DLGAP2: variants seen among roughly 807,000 people sequenced by gnomAD.
DLGAP2 encodes the protein DLG associated protein 2, also known as disks large-associated protein 2.
A neutral mutation model predicts 100.3 loss-of-function variants in DLGAP2; 26 were observed. The ratio of observed to expected loss-of-function variants is 0.26; its 90% CI spans 0.19 to 0.36. The LOEUF (loss-of-function observed/expected upper bound fraction) is 0.36, where lower values mean the gene tolerates loss of function less well. DLGAP2 is among the 10% of genes least tolerant of loss of function. The pLI is 1.00. For missense variants in DLGAP2, 1,858 were observed against 1,453.2 expected, an observed-to-expected ratio of 1.28 and a Z score of -4.53; for synonymous variants, 886 against 630.1, an observed-to-expected ratio of 1.41 and a Z score of -6.08.
chr8:1,349,167 C>T (rs7831085), intron 3 of DLGAP2, among the ~76,000 whole-genome samples: 55,086 of 149,382 alleles, frequency 0.37, 10,611 homozygotes, highest in East Asian at 0.49. Context: ...TAAACAGACA[C>T]AGCTTTACAA....
intron 9 of DLGAP2, among the ~76,000 whole-genome samples, chr8:1,668,989 C>T (rs1798619927): frequency 6.6e-6 from 1 of 152,198 alleles, no homozygotes; most frequent in African/African-American, 2.4e-5. Context: ...CAAAGGCTGC[C>T]TAGAGAGTAT....
chr8:902,992 G>A (rs1322296391), intron 1 of DLGAP2, among the ~76,000 whole-genome samples: 1 of 98,442 alleles, frequency 1.0e-5, no homozygotes, highest in East Asian at 3.9e-4. Flanking sequence ...GGGCGGGGGG[G>A]CGGAAAGTGT....
chr8:796,976 T>A (rs1235361874), intron 1 of DLGAP2, among the ~76,000 whole-genome samples: 1 of 152,240 alleles, frequency 6.6e-6, no homozygotes, highest in African/African-American at 2.4e-5. Flanking sequence ...TTCCCCAACT[T>A]GCAAACTTTT....
chr8:754,769 G>T (rs890955681), intron 1 of DLGAP2, among the ~76,000 whole-genome samples: 13 of 152,196 alleles, frequency 8.5e-5, no homozygotes, highest in Non-Finnish European at 1.5e-4. Context: ...TTGAGTCCAG[G>T]AGTCTGAGGC....
chr8:1,700,865 C>A (rs1478995295), intron 14 of DLGAP2, among the ~76,000 whole-genome samples: 1 of 152,240 alleles, frequency 6.6e-6, no homozygotes, highest in Non-Finnish European at 1.5e-5. Flanking sequence ...AGGAATCGGG[C>A]GACAATGTCA....
At chr8:1,017,609 ACGG>A (rs888346638) in intron 2 of DLGAP2, among the ~76,000 whole-genome samples, 10 of 141,928 alleles carry the variant, frequency 7.0e-5, no homozygotes, top group African/African-American at 2.3e-4. Context: ...ACCAGGACAG[ACGG>A]CGCCTCCACT....
intron 3 of DLGAP2, among the ~76,000 whole-genome samples, chr8:1,434,125 C>T (rs1436071951): frequency 6.6e-6 from 1 of 152,032 alleles, no homozygotes. Flanking sequence ...GAGACGTGGC[C>T]GCAGGGCTGA....
chr8:738,092 G>A (rs1028266154), intron 1 of DLGAP2: 3 of 263,024 alleles, frequency 1.1e-5, no homozygotes, highest in African/African-American at 6.8e-5. Flanking sequence ...GGGCTCCGGG[G>A]GTGCGGGAGC....
intron 2 of DLGAP2, among the ~76,000 whole-genome samples, chr8:1,089,076 C>A (rs1366847188): frequency 6.9e-6 from 1 of 144,218 alleles, no homozygotes; most frequent in Admixed American, 6.9e-5. Context: ...TCTCTCCACC[C>A]CTCGTCCAGC....
intron 2 of DLGAP2, among the ~76,000 whole-genome samples, chr8:1,185,414 G>C (rs75774322): frequency 2.0e-5 from 3 of 151,992 alleles, no homozygotes; most frequent in African/African-American, 7.3e-5. Flanking sequence ...CCCTAAGGCC[G>C]GTCAGCTTTG....
intron 1 of DLGAP2, among the ~76,000 whole-genome samples, chr8:810,094 A>AACT (rs1028149441): frequency 1.3e-5 from 2 of 152,122 alleles, no homozygotes; most frequent in African/African-American, 4.8e-5. Flanking sequence ...ATCCCTTTCT[A>AACT]ACTACTGTTC....
At position 1,061,420 on chromosome 8, in the gene DLGAP2, G is replaced by A. The variant is rs114689816; in HGVS notation, c.73+153454G>A. On this transcript the variant is annotated intron_variant, in intron 2 of 14. Coordinates refer to ENST00000637795, the MANE Select transcript of DLGAP2 (RefSeq NM_001346810.2). Reference sequence around the variant, plus strand: ...AGCTCATCGGCTCATCCACGTGTTCGTTGAGGGAAAACCACGCTGCCAGTT... The same window carrying A: ...AGCTCATCGGCTCATCCACGTGTTCATTGAGGGAAAACCACGCTGCCAGTT... Among the ~76,000 whole-genome samples the A allele has an allele frequency of 5.6e-3, 856 of 152,208 alleles. 8 individuals are homozygous for A. Among genetic ancestry groups the A allele is most frequent in the African/African-American group, 0.017 (726 of 41,534 alleles).
chr8:1,251,327 G>A (rs6994608), intron 2 of DLGAP2, among the ~76,000 whole-genome samples: 132,051 of 152,276 alleles, frequency 0.87, 57,431 homozygotes, highest in Middle Eastern at 0.94. Context: ...GTATTAAAGA[G>A]TACACATCCA....
At chr8:792,742 G>T (rs1344556746) in intron 1 of DLGAP2, among the ~76,000 whole-genome samples, 1 of 152,180 alleles carries the variant, frequency 6.6e-6, no homozygotes, top group African/African-American at 2.4e-5. Flanking sequence ...TCTGATAGGA[G>T]TTCCCCCATT....
intron 3 of DLGAP2, among the ~76,000 whole-genome samples, chr8:1,341,152 A>T (rs1801407896): frequency 6.6e-6 from 1 of 152,212 alleles, no homozygotes. Flanking sequence ...TACTTGGGTG[A>T]TGAAATAATC....
intron 1 of DLGAP2, among the ~76,000 whole-genome samples, chr8:878,809 C>T (rs1230296756): frequency 6.6e-6 from 1 of 152,162 alleles, no homozygotes; most frequent in East Asian, 1.9e-4. Flanking sequence ...ACTTCTCTAC[C>T]ATGTTGTGAG....
chr8:1,066,153 A>G (rs776064679), intron 2 of DLGAP2, among the ~76,000 whole-genome samples: 74 of 87,416 alleles, frequency 8.5e-4, no homozygotes, highest in Middle Eastern at 0.01. Flanking sequence ...TCCCCACCAC[A>G]GTCAGGTATG....
At chr8:738,312 C>G (rs1397250588) in intron 1 of DLGAP2, among the ~76,000 whole-genome samples, 1 of 151,780 alleles carries the variant, frequency 6.6e-6, no homozygotes, top group African/African-American at 2.4e-5. Flanking sequence ...ATGAAGGGTG[C>G]CGGGCTGGGC....
At chr8:1,619,280 C>G (rs975074727) in intron 6 of DLGAP2, among the ~76,000 whole-genome samples, 2 of 152,202 alleles carry the variant, frequency 1.3e-5, no homozygotes, top group Admixed American at 1.3e-4. Context: ...GGATACACTT[C>G]AATTTCACTA....
Sources: gnomAD v4.1 joint callset for allele counts (sites outside exome capture counted in the v4.1 genomes callset) on GRCh38, gnomAD v4.1.1 for gene constraint, MANE v1.5 for transcripts, NCBI Gene and HGNC (gene_info 2026-07-23, HGNC 2026-07-21) for gene names.